EIF4E1B: variants seen among roughly 807,000 people sequenced by gnomAD.
The protein encoded by EIF4E1B is eukaryotic translation initiation factor 4E type 1B.
A neutral mutation model predicts 31.3 loss-of-function variants in EIF4E1B; 22 were observed. The observed-to-expected ratio is 0.70, with a 90% confidence interval of 0.50 to 1.00. EIF4E1B has a LOEUF of 1.00. EIF4E1B is among the 50% of genes least tolerant of loss of function. The probability of loss-of-function intolerance (pLI) is 0.00; values close to 1 mark genes in which losing one functional copy is unlikely to be tolerated. For missense variants in EIF4E1B, 290 were observed against 311.6 expected (o/e 0.93, Z 0.52); for synonymous variants, 126 against 120.2 (o/e 1.05, Z -0.31).
At chr5:176,633,217 G>T (rs67579049) in intron 1 of EIF4E1B, among the ~76,000 whole-genome samples, 7,858 of 87,012 alleles carry the variant, frequency 0.09, 243 homozygotes, top group South Asian at 0.22. Context: ...TGTTTTTTTT[G>T]TTTGTTTGTT....
intron 2 of EIF4E1B, 76 bp from the exon 3 acceptor site, chr5:176,642,634 T>C (rs1258468530): frequency 9.3e-6 from 12 of 1,289,852 alleles, no homozygotes; most frequent in Non-Finnish European, 1.3e-5. Context: ...CACCTCACAT[T>C]CTGGGGTCAC....
intron 1 of EIF4E1B, among the ~76,000 whole-genome samples, chr5:176,635,298 TG>T (rs896878143): frequency 6.6e-6 from 1 of 151,460 alleles, no homozygotes; most frequent in Non-Finnish European, 1.5e-5. Context: ...AGACCAGCAG[TG>T]GAGAGTCTGC....
chr5:176,644,398 G>C lies in EIF4E1B; in HGVS notation c.319G>C (p.Ala107Pro). 1 of 1,595,234 alleles carries C rather than the reference G, an allele frequency of 6.3e-7. No homozygotes were observed. Among genetic ancestry groups the C allele is most frequent in the Non-Finnish European group, 8.5e-7 (1 of 1,170,732 alleles). ...CAGGCTATACAGTCACATCCAGCTG[G>C]CCAGCAAGCTCTCCTCTGGCTGTGA... ...FWALYSHIQL[A>P]SKLSSGCDYA... is the part of the protein sequence containing the mutation. The change falls in exon 6 of 9, where the codon GCC (alanine) becomes CCC (proline). Residue 107 changes from alanine to proline, a missense_variant. By Grantham distance (27) the Ala-to-Pro change is conservative. Coordinates refer to ENST00000318682, the MANE Select transcript of EIF4E1B (RefSeq NM_001099408.2).
rs1760653550 is a variant in EIF4E1B at position 176,644,380 on chromosome 5, T to C, written c.301T>C (p.Tyr101His). The change falls in exon 6 of 9, where the codon TAC (tyrosine) becomes CAC (histidine). Residue 101 changes from tyrosine (Y) to histidine (H), a missense_variant. Coordinates refer to ENST00000318682, the MANE Select transcript of EIF4E1B (RefSeq NM_001099408.2). ...GGGGTCGGGGGCTCTGTCCAGGCTA[T>C]ACAGTCACATCCAGCTGGCCAGCAA... The part of the protein sequence containing the change: ...VDTVEDFWAL[Y>H]SHIQLASKLS... 6.3e-7 allele frequency: 1 copy of C among 1,589,750 alleles called. No individual in the cohort carries two copies.
rs1581187000 is a variant in EIF4E1B at position 176,643,578 on chromosome 5, T to C, written c.201-61T>C. On this transcript the variant is annotated intron_variant, in intron 4 of 8. Transcript: ENST00000318682. ...GGAGGGTCCTCCCTGTCAGTCCAGG[T>C]GCCCCGGGGGTGGACTTGGCTCTCT... The C allele has an allele frequency of 5.3e-6, 8 of 1,503,108 alleles. No individual in the cohort carries two copies. The East Asian group carries it at 1.9e-4, about 37-fold the overall frequency. 93.1% of individuals were successfully genotyped at this position (1,503,108 alleles called of 1,614,324 possible).
chr5:176,638,689 C>A lies in EIF4E1B; in HGVS notation c.-201-3354C>A, dbSNP rs976494737. 5.3e-5 allele frequency among the ~76,000 whole-genome samples: 8 copies of A among 152,240 alleles called. No homozygotes were observed. Among genetic ancestry groups the A allele is most frequent in the Non-Finnish European group, 1.0e-4 (7 of 68,042 alleles). On this transcript the variant is annotated intron_variant, in intron 1 of 8. Coordinates refer to ENST00000318682, the MANE Select transcript of EIF4E1B (RefSeq NM_001099408.2). This position sits in a 1 kb window ranked among gnomAD's most constrained non-coding sequence, Gnocchi z 4.3. ...TTTTGGAGGCTCCATGTGCTCAGGG[C>A]ATGGGAGGCTGGATCGCCTAAGAAC... is the stretch of plus-strand genomic sequence containing the variant.
chr5:176,643,809 G>C (rs1044835427), intron 5 of EIF4E1B, 75 bp downstream of exon 5: 1 of 1,482,108 alleles, frequency 6.7e-7, no homozygotes, highest in Non-Finnish European at 9.2e-7. Context: ...GGTTGAGCCA[G>C]CCCTCCCTAG....
chr5:176,636,902 CAGCAGGAAATCAGACCAATGA>C (rs527979289), intron 1 of EIF4E1B, among the ~76,000 whole-genome samples: 30 of 152,330 alleles, frequency 2.0e-4, no homozygotes, highest in African/African-American at 7.2e-4. Flanking sequence ...ACAGGAGATG[CAGCAGGAAATCAGACCAATGA>C]AGCCCTTGCC....
intron 1 of EIF4E1B, among the ~76,000 whole-genome samples, chr5:176,634,000 G>C (rs889130947): frequency 1.3e-5 from 2 of 152,230 alleles, no homozygotes; most frequent in African/African-American, 2.4e-5. Context: ...GCTGGAAGGA[G>C]AGACGTGAAC....
chr5:176,642,341 T>TA (rs1399191256), intron 2 of EIF4E1B, among the ~76,000 whole-genome samples, 176 bp downstream of exon 2: 4 of 152,202 alleles, frequency 2.6e-5, no homozygotes, highest in African/African-American at 9.7e-5. Context: ...ATTAAACTTT[T>TA]AAAAAACTCA....
intron 1 of EIF4E1B, among the ~76,000 whole-genome samples, chr5:176,634,764 G>A (rs1290002352): frequency 6.6e-6 from 1 of 150,908 alleles, no homozygotes; most frequent in African/African-American, 2.4e-5. Context: ...CTGCCTCCTG[G>A]GTTCAAAGGA....
In EIF4E1B at chr5:176,644,440, G is replaced by A; in HGVS notation, c.360+1G>A. 6.3e-7 allele frequency: 1 copy of A among 1,583,588 alleles called. No homozygotes were observed. Among genetic ancestry groups the A allele is most frequent in the Non-Finnish European group, 8.6e-7 (1 of 1,163,738 alleles). On this transcript the variant is annotated splice_donor_variant, in intron 6 of 8. Coordinates refer to ENST00000318682, the MANE Select transcript of EIF4E1B (RefSeq NM_001099408.2). LOFTEE classifies it high-confidence loss of function. ...TGGCTGTGACTACGCCCTCTTCAAG[G>A]TAAGCTCTGCTCTCCTCTTTCCCTC...
chr5:176,643,253 C>A lies in EIF4E1B; in HGVS notation c.187C>A (p.Pro63Thr). The change falls in exon 4 of 9, where the codon CCC becomes ACC. Residue 63 changes from proline (P) to threonine (T), a missense_variant. Transcript: ENST00000318682. ...GPMEVKLELH[P>T]LQNRWALWFF... ...CATGGAAGTCAAGCTGGAGCTGCAC[C>A]CCTTGCAGAACAGGTAGGCAGGAGC... The A allele has an allele frequency of 6.2e-7, 1 of 1,612,200 alleles. No homozygotes were observed. Among genetic ancestry groups the A allele is most frequent in the Non-Finnish European group, 8.5e-7 (1 of 1,179,824 alleles).
rs189195129 is a variant in EIF4E1B at position 176,633,094 on chromosome 5, C to T, written c.-202+2030C>T. ...CTGCACTGTCCATGCCCAGCCATGG[C>T]ATCGGGATTCTTCATAGGTCTGCCT... On this transcript the variant is annotated intron_variant, in intron 1 of 8. Coordinates refer to ENST00000318682, the MANE Select transcript of EIF4E1B (RefSeq NM_001099408.2). 3.2e-3 allele frequency among the ~76,000 whole-genome samples: 484 copies of T among 152,330 alleles called. 1 individual carries two copies. The highest frequency in any genetic ancestry group is 9.0e-3 in the Admixed American group (138 of 15,294).
intron 1 of EIF4E1B, among the ~76,000 whole-genome samples, chr5:176,636,057 T>C (rs1760487666): frequency 1.3e-5 from 2 of 152,222 alleles, no homozygotes; most frequent in Admixed American, 1.3e-4. Context: ...CCTCAGGTGA[T>C]CTGCCCGCCT....
At chr5:176,641,155 C>CAAAAT (rs1760568752) in intron 1 of EIF4E1B, among the ~76,000 whole-genome samples, 1 of 152,002 alleles carries the variant, frequency 6.6e-6, no homozygotes, top group South Asian at 2.1e-4. Context: ...CCTACCTCTA[C>CAAAAT]AAAATAAAAC....
intron 1 of EIF4E1B, among the ~76,000 whole-genome samples, chr5:176,635,081 C>G (rs544734888): frequency 2.0e-5 from 3 of 151,950 alleles, no homozygotes; most frequent in Non-Finnish European, 4.4e-5. Flanking sequence ...TGAGTGTGAT[C>G]GTCCGGGGGT....
chr5:176,632,805 T>C (rs1463697221), intron 1 of EIF4E1B, among the ~76,000 whole-genome samples: 1 of 152,200 alleles, frequency 6.6e-6, no homozygotes, highest in African/African-American at 2.4e-5. Context: ...CCCCACCTTC[T>C]GAGGCAGAAC....
chr5:176,631,295 A>T lies in EIF4E1B; in HGVS notation c.-202+231A>T, dbSNP rs1274744680. On this transcript the variant is annotated intron_variant, in intron 1 of 8. Transcript: ENST00000318682. ...GCAGCTGGAGAGCCAGGATGGAGGG[A>T]GGTGGAGAACAAAACCACTTTTTTG... Among the ~76,000 whole-genome samples, 4 of 152,234 alleles carry T rather than the reference A, an allele frequency of 2.6e-5. No homozygotes were observed. The South Asian group carries it at 8.3e-4, about 32-fold the overall frequency.
Sources: gnomAD v4.1 joint callset for allele counts (sites outside exome capture counted in the v4.1 genomes callset) on GRCh38, gnomAD v4.1.1 for gene constraint, Gnocchi (gnomAD v3.1) non-coding constraint, MANE v1.5 for transcripts, NCBI Gene and HGNC (gene_info 2026-07-23, HGNC 2026-07-21) for gene names.